Variants in CD46 observed in about 807,000 individuals in gnomAD.
The protein encoded by CD46 is CD46 molecule.
A neutral mutation model predicts 53.3 loss-of-function variants in CD46; 30 were observed. The ratio of observed to expected loss-of-function variants is 0.56; its 90% confidence interval spans 0.42 to 0.76. The LOEUF (loss-of-function observed/expected upper bound fraction) is 0.76, where lower values mean the gene tolerates loss of function less well. CD46 is among the 30% of genes least tolerant of loss of function. CD46 has a pLI of 0.00. For synonymous variants in CD46, 142 were observed against 152.0 expected, an observed-to-expected ratio of 0.93 and a Z score of 0.48; for missense variants, 409 against 463.0, an observed-to-expected ratio of 0.88 and a Z score of 1.07.
chr1:207,793,336 G>C (rs748093023), intron 12 of CD46, among the ~76,000 whole-genome samples, 183 bp from the exon 13 acceptor site: 1 of 151,872 alleles, frequency 6.6e-6, no homozygotes. Flanking sequence ...ATAAAGGAAG[G>C]TTTTTTTTAC....
chr1:207,793,788 C>G lies in CD46; in HGVS notation c.*311C>G, dbSNP rs1429824685. The G allele has an allele frequency of 7.8e-6, 5 of 641,282 alleles. No homozygotes were observed. The highest frequency in any genetic ancestry group is 1.4e-5 in the Non-Finnish European group (5 of 347,776). The allele number at this position is 641,282 out of a possible 1,614,324, so 39.7% of individuals were successfully genotyped here. On this transcript the variant is annotated 3_prime_UTR_variant, in exon 13 of 13. Coordinates refer to ENST00000367042, the MANE Select transcript of CD46 (RefSeq NM_172351.3). ...TGGGTATGAACAGATTGCCTGCTTT[C>G]CCTTAAATAACACTTAGATTTATTG...
chr1:207,761,716 A>AT (rs1397899642), intron 5 of CD46, among the ~76,000 whole-genome samples: 1 of 97,590 alleles, frequency 1.0e-5, no homozygotes, highest in East Asian at 7.9e-4. Context: ...GTTTGAAAGA[A>AT]CCAAAAAAAA....
rs558535106 is a variant in CD46, at chr1:207,752,057, G to T, written c.-156G>T. On this transcript the variant is annotated 5_prime_UTR_variant, in exon 1 of 13. Transcript: ENST00000367042. The surrounding 1 kb of genome is among the most constrained non-coding windows in gnomAD (Gnocchi z 4.1). The stretch of plus-strand genomic sequence containing the variant: ...TCGACGCACTTCCGCCCCGGGCGCG[G>T]CTCGGGCCACGCCCACCTGTCCTGC... 43 of 801,738 alleles carry T rather than the reference G, an allele frequency of 5.4e-5. No individual in the cohort carries two copies. The East Asian group carries it at 9.8e-4, about 18-fold the overall frequency. The allele number at this position is 801,738 out of a possible 1,614,324, so 49.7% of individuals were successfully genotyped here.
intron 8 of CD46, among the ~76,000 whole-genome samples, chr1:207,778,513 G>C (rs947452959): frequency 6.6e-6 from 1 of 152,166 alleles, no homozygotes; most frequent in Non-Finnish European, 1.5e-5. Flanking sequence ...TGGCTAGCCA[G>C]TTATCCCAGC....
At chr1:207,767,874 T>C in intron 7 of CD46, 51 bp downstream of exon 7, 3 of 1,369,152 alleles carry the variant, frequency 2.2e-6, no homozygotes, top group Non-Finnish European at 1.0e-6. Context: ...AAATTCCTGG[T>C]GATTTTTTAT....
At position 207,752,216 on chromosome 1, in the gene CD46, G is replaced by C; in HGVS notation, c.4G>C (p.Glu2Gln). 1.2e-6 allele frequency: 2 copies of C among 1,613,836 alleles called. No homozygotes were observed. Among genetic ancestry groups the C allele is most frequent in the Non-Finnish European group, 8.5e-7 (1 of 1,179,980 alleles). ...AACAGCGTCTTCCGCGCCGCGCATG[G>C]AGCCTCCCGGCCGCCGCGAGTGTCC... MEPPGRRECPFP... is the reference protein window; with the variant it reads MQPPGRRECPFP... The change falls in exon 1 of 13, where the codon GAG becomes CAG. Residue 2 changes from glutamate to glutamine, a missense_variant. Coordinates refer to ENST00000367042, the MANE Select transcript of CD46 (RefSeq NM_172351.3). The surrounding 1 kb of genome is among the most constrained non-coding windows in gnomAD (Gnocchi z 4.1).
chr1:207,790,139 C>T (rs1659664914), intron 11 of CD46, 114 bp from the exon 12 acceptor site: 5 of 738,296 alleles, frequency 6.8e-6, no homozygotes, highest in Non-Finnish European at 7.5e-6. Context: ...GAACCTAATT[C>T]TCAGCTTTCC....
At chr1:207,764,494 T>C (rs1656621209) in intron 5 of CD46, among the ~76,000 whole-genome samples, 1 of 152,212 alleles carries the variant, frequency 6.6e-6, no homozygotes, top group South Asian at 2.1e-4. Flanking sequence ...TCATCCTTTT[T>C]CTGACTTCCC....
At chr1:207,766,850 A>T (rs1656907231) in intron 5 of CD46, among the ~76,000 whole-genome samples, 163 bp from the exon 6 acceptor site, 1 of 152,192 alleles carries the variant, frequency 6.6e-6, no homozygotes, top group African/African-American at 2.4e-5. Context: ...AGAATTCTGT[A>T]TGAAGGAGAA....
intron 8 of CD46, among the ~76,000 whole-genome samples, chr1:207,775,221 C>T (rs1657970839): frequency 6.6e-6 from 1 of 152,160 alleles, no homozygotes; most frequent in Admixed American, 6.5e-5. Context: ...CCGTGGTTTT[C>T]AGCTCCATCA....
Position 207,770,380 on chromosome 1 carries a change from C to A in CD46, c.943+18C>A. ...TTATCCAGGTTGGTTAACTCTTTAT[C>A]CTACTGATATTGTTAAGAATTTATT... On this transcript the variant is annotated intron_variant, in intron 8 of 12. Transcript: ENST00000367042. 6.6e-7 allele frequency: 1 copy of A among 1,511,918 alleles called. No homozygotes were observed. Among genetic ancestry groups the A allele is most frequent in the Middle Eastern group, 1.8e-4 (1 of 5,486 alleles). 93.7% of individuals were successfully genotyped at this position (1,511,918 alleles called of 1,614,324 possible). A position where few individuals can be genotyped will look rare whatever the true frequency, so the allele number is the denominator to read the frequency against.
chr1:207,777,354 A>C (rs1658225417), intron 8 of CD46, among the ~76,000 whole-genome samples: 1 of 152,064 alleles, frequency 6.6e-6, no homozygotes, highest in Admixed American at 6.5e-5. Context: ...GTTTTATTTT[A>C]GATTTGGGGG....
In CD46 at chr1:207,795,262, T is replaced by C. The variant is rs1437422305; in HGVS notation, c.*1785T>C. On this transcript the variant is annotated 3_prime_UTR_variant, in exon 13 of 13. Transcript: ENST00000367042. ...CATTTGATTTTTTCAAATTTAATAT[T>C]TATATTAGAGATCTATATATGTATA... 2 of 152,128 alleles carry C rather than the reference T, an allele frequency of 1.3e-5. No homozygotes were observed. The highest frequency in any genetic ancestry group is 4.8e-5 in the African/African-American group (2 of 41,440). The allele number at this position is 152,128 out of a possible 1,614,324, so 9.4% of individuals were successfully genotyped here.
At chr1:207,756,968 G>A (rs1340622394) in intron 1 of CD46, 46 bp from the exon 2 acceptor site, 2 of 1,495,074 alleles carry the variant, frequency 1.3e-6, no homozygotes, top group South Asian at 2.3e-5. Flanking sequence ...GCTGATGAAA[G>A]TGATATCAGT....
intron 3 of CD46, among the ~76,000 whole-genome samples, chr1:207,758,953 C>CT (rs1571585990): frequency 6.8e-6 from 1 of 146,490 alleles, no homozygotes; most frequent in East Asian, 1.9e-4. Flanking sequence ...GATAATTACT[C>CT]TAAGAGTCCA....
chr1:207,788,280 G>A (rs1182575636), intron 11 of CD46, among the ~76,000 whole-genome samples: 2 of 151,720 alleles, frequency 1.3e-5, no homozygotes, highest in Non-Finnish European at 2.9e-5. Context: ...ACTTTGGGAG[G>A]CCGAGGCGGG....
At position 207,795,142 on chromosome 1, in the gene CD46, G is replaced by A. The variant is rs886045845; in HGVS notation, c.*1665G>A. The A allele has an allele frequency of 5.3e-5, 8 of 152,114 alleles. No homozygotes were observed. The highest frequency in any genetic ancestry group is 8.8e-5 in the Non-Finnish European group (6 of 68,022). 9.4% of individuals were successfully genotyped at this position (152,114 alleles called of 1,614,324 possible). A position where few individuals can be genotyped will look rare whatever the true frequency, so the allele number is the denominator to read the frequency against. On this transcript the variant is annotated 3_prime_UTR_variant, in exon 13 of 13. Transcript: ENST00000367042. ...CAATTACTAAGAAGCAGATAATGGT[G>A]TTTTTTAGAAACCTAATTGAAGTAT... is the stretch of plus-strand genomic sequence containing the variant.
intron 8 of CD46, among the ~76,000 whole-genome samples, chr1:207,778,353 C>T (rs1658344168): frequency 6.6e-6 from 1 of 151,970 alleles, no homozygotes. Flanking sequence ...GTCATGAAAT[C>T]TTTGTCTGTT....
At chr1:207,766,739 G>A (rs1656894330) in intron 5 of CD46, among the ~76,000 whole-genome samples, 1 of 152,048 alleles carries the variant, frequency 6.6e-6, no homozygotes, top group Admixed American at 6.6e-5. Context: ...CATTTAGGAG[G>A]GCAGGGACAA....
Sources: allele counts gnomAD v4.1 joint callset (sites outside exome capture counted in the v4.1 genomes callset), GRCh38; gene constraint gnomAD v4.1.1; non-coding constraint Gnocchi (gnomAD v3.1); transcripts MANE v1.5; gene names NCBI Gene and HGNC (gene_info 2026-07-23, HGNC 2026-07-21).